Variants in CD101 observed in about 807,000 individuals in gnomAD.
The protein encoded by CD101 is CD101 molecule.
In CD101, 76 loss-of-function variants were observed where a neutral mutation model predicts 98.2. The observed-to-expected ratio is 0.77, with a 90% CI of 0.64 to 0.94. The LOEUF (loss-of-function observed/expected upper bound fraction) is 0.94. Among genes scored for constraint, CD101 ranks in the 40% least tolerant of loss-of-function variants. The pLI is 0.00. For synonymous variants in CD101, 471 were observed against 472.7 expected (o/e 1.00, Z 0.05); for missense variants, 1,145 against 1,218.8 (o/e 0.94, Z 0.90).
intron 9 of CD101, 121 bp downstream of exon 9, chr1:117,034,255 T>G: frequency 1.2e-6 from 1 of 851,290 alleles, no homozygotes; most frequent in Non-Finnish European, 1.8e-6. Context: ...GAGTGCTTAT[T>G]GGTTCTACGC....
At chr1:117,015,529 CTT>C (rs1653148406) in intron 4 of CD101, among the ~76,000 whole-genome samples, 1 of 152,164 alleles carries the variant, frequency 6.6e-6, no homozygotes, top group African/African-American at 2.4e-5. Flanking sequence ...CTCATTCTCT[CTT>C]TGTTACTTAT....
At position 117,033,852 on chromosome 1, in the gene CD101, C is replaced by A; in HGVS notation, c.2825-8C>A. On this transcript the variant is annotated splice_polypyrimidine_tract_variant and splice_region_variant and intron_variant, in intron 8 of 9. Coordinates refer to ENST00000682167, the MANE Select transcript of CD101 (RefSeq NM_001256106.3). The surrounding 1 kb of genome is among the most constrained non-coding windows in gnomAD (Gnocchi z 4.8). ...TGAATTACTCTCTTGTTTCTCCCTT[C>A]GTTGCAGAGCCCACGCTTCCTTCCA... 6.2e-7 allele frequency: 1 copy of A among 1,614,018 alleles called. No individual in the cohort carries two copies. The highest frequency in any genetic ancestry group is 8.5e-7 in the Non-Finnish European group (1 of 1,179,906).
rs114951373 is a variant in CD101 at position 117,018,035 on chromosome 1, G to T, written c.1613-121G>T. On this transcript the variant is annotated intron_variant, in intron 5 of 9. Coordinates refer to ENST00000682167, the MANE Select transcript of CD101 (RefSeq NM_001256106.3). This position sits in a 1 kb window ranked among gnomAD's most constrained non-coding sequence, Gnocchi z 4.3. ...GAATCAATTTCTACTCTATAAAATA[G>T]GAAACTCCAAATGTACAAATGCATG... 1,885 of 944,930 alleles carry T rather than the reference G, an allele frequency of 2.0e-3. 14 individuals are homozygous for T. In the African/African-American group the frequency reaches 0.028, roughly 14 times the overall value. 58.5% of individuals were successfully genotyped at this position (944,930 alleles called of 1,614,324 possible).
rs1653680184 is a variant in CD101, at chr1:117,023,080, A to G, written c.2428+1097A>G. Among the ~76,000 whole-genome samples the G allele has an allele frequency of 6.6e-6, 1 of 152,226 alleles. No homozygotes were observed. Among genetic ancestry groups the G allele is most frequent in the Admixed American group, 6.5e-5 (1 of 15,284 alleles). Reference sequence around the variant, plus strand: ...CTTAGCCCTGATCTCCTGAGCTCCAAGCCTTCATACCCAACTGCCTGCTGT... The same window carrying G: ...CTTAGCCCTGATCTCCTGAGCTCCAGGCCTTCATACCCAACTGCCTGCTGT... On this transcript the variant is annotated intron_variant, in intron 7 of 9. Coordinates refer to ENST00000682167, the MANE Select transcript of CD101 (RefSeq NM_001256106.3). The surrounding 1 kb of genome is among the most constrained non-coding windows in gnomAD (Gnocchi z 4.4).
intron 8 of CD101, among the ~76,000 whole-genome samples, chr1:117,030,379 A>AAAACAAACAAACAAACAAAC (rs3835638): frequency 1.4e-4 from 21 of 150,238 alleles, no homozygotes; most frequent in African/African-American, 4.4e-4. Flanking sequence ...AGACACTGTC[A>AAAACAAACAAACAAACAAAC]AAACAAACAA....
Position 117,012,018 on chromosome 1 carries a change from A to AT in CD101, c.841+55dup. ...AATACACTAGTATTAGGTAGTGGGT[A>AT]TTTATGAGGTATGTTTTAATTTTTG... On this transcript the variant is annotated intron_variant, in intron 3 of 9. Coordinates refer to ENST00000682167, the MANE Select transcript of CD101 (RefSeq NM_001256106.3). This position sits in a 1 kb window ranked among gnomAD's most constrained non-coding sequence, Gnocchi z 4.0. The AT allele has an allele frequency of 1.4e-6, 2 of 1,437,512 alleles. No homozygotes were observed. The highest frequency in any genetic ancestry group is 1.9e-6 in the Non-Finnish European group (2 of 1,055,074). The allele number at this position is 1,437,512 out of a possible 1,614,324, so 89.0% of individuals were successfully genotyped here. A position where few individuals can be genotyped will look rare whatever the true frequency, so the allele number is the denominator to read the frequency against.
intron 8 of CD101, among the ~76,000 whole-genome samples, chr1:117,028,102 T>TAAATA (rs1553188134): frequency 3.4e-4 from 50 of 145,528 alleles, no homozygotes; most frequent in African/African-American, 1.0e-3. Context: ...AATAAATAAA[T>TAAATA]AAATAAAATA....
intron 1 of CD101, 84 bp downstream of exon 1, chr1:117,001,944 T>C: frequency 7.6e-7 from 1 of 1,310,290 alleles, no homozygotes; most frequent in Non-Finnish European, 1.1e-6. Flanking sequence ...GACAATTTGG[T>C]CTCTACAGGA....
intron 1 of CD101, 82 bp downstream of exon 1, chr1:117,001,942 G>T: frequency 7.7e-7 from 1 of 1,300,944 alleles, no homozygotes; most frequent in East Asian, 2.3e-5. Flanking sequence ...AGGACAATTT[G>T]GTCTCTACAG....
intron 4 of CD101, among the ~76,000 whole-genome samples, chr1:117,014,614 T>G (rs1557769225): frequency 6.6e-6 from 1 of 152,162 alleles, no homozygotes; most frequent in Non-Finnish European, 1.5e-5. Flanking sequence ...TATCTGCAAC[T>G]AATATAAGGA....
intron 6 of CD101, among the ~76,000 whole-genome samples, chr1:117,020,008 C>T (rs923739861): frequency 6.6e-6 from 1 of 152,104 alleles, no homozygotes; most frequent in African/African-American, 2.4e-5. Context: ...TTACTGGCAG[C>T]TCCTCAATTG....
chr1:117,009,819 T>C, intron 1 of CD101, 31 bp from the exon 2 acceptor site: 1 of 1,561,886 alleles, frequency 6.4e-7, no homozygotes, highest in Non-Finnish European at 8.7e-7. Flanking sequence ...CTAATCTCTT[T>C]TTATTCCCCT....
rs1404853687 is a variant in CD101, at chr1:117,021,746, G to A, written c.2191G>A (p.Asp731Asn). 1 of 1,613,916 alleles carries A rather than the reference G, an allele frequency of 6.2e-7. No individual in the cohort carries two copies. Among genetic ancestry groups the A allele is most frequent in the African/African-American group, 1.3e-5 (1 of 74,898 alleles). ...NASWLKILEM[D>N]QTNVIKTGDE... The stretch of plus-strand genomic sequence containing the variant: ...CTCTTGGCTAAAGATCCTGGAGATG[G>A]ACCAAACCAATGTTATAAAAACTGG... The change falls in exon 7 of 10, where the codon GAC becomes AAC. Residue 731 changes from aspartate (D) to asparagine (N), a missense_variant. Transcript: ENST00000682167. This position sits in a 1 kb window ranked among gnomAD's most constrained non-coding sequence, Gnocchi z 4.7.
Position 117,012,362 on chromosome 1 carries a change from C to T in CD101, c.841+396C>T, listed in dbSNP as rs193255557. On this transcript the variant is annotated intron_variant, in intron 3 of 9. Coordinates refer to ENST00000682167, the MANE Select transcript of CD101 (RefSeq NM_001256106.3). The surrounding 1 kb of genome is among the most constrained non-coding windows in gnomAD (Gnocchi z 4.0). ...CTCTGAACTTCAGACATGCTAGATG[C>T]GCTGCCTAAGCCCACCCAGCTGGTG... Among the ~76,000 whole-genome samples the T allele has an allele frequency of 2.6e-5, 4 of 152,272 alleles. No homozygotes were observed. The highest frequency in any genetic ancestry group is 2.1e-4 in the South Asian group (1 of 4,828).
intron 8 of CD101, among the ~76,000 whole-genome samples, chr1:117,028,228 A>G (rs1654095178): frequency 1.3e-5 from 2 of 152,248 alleles, no homozygotes; most frequent in Non-Finnish European, 2.9e-5. Context: ...ACCCATGACG[A>G]CTAAGAAAAG....
At chr1:117,026,930 G>A (rs1452451783) in intron 8 of CD101, 1 of 152,100 alleles carries the variant, frequency 6.6e-6, no homozygotes, top group Non-Finnish European at 1.5e-5. Flanking sequence ...CCTCCACCTG[G>A]CTGTTCCTTC....
Position 117,021,831 on chromosome 1 carries a change from A to T in CD101, c.2276A>T (p.Asp759Val), listed in dbSNP as rs199628070. The T allele has an allele frequency of 6.5e-5, 105 of 1,614,044 alleles. No individual in the cohort carries two copies. The Middle Eastern group carries it at 8.2e-4, about 13-fold the overall frequency. Reference sequence around the variant, plus strand: ...TTTCATACTGAGAAGGTTTCCCAAGACTTATTTCAGCTGCACATTCTGAAT... The same window carrying T: ...TTTCATACTGAGAAGGTTTCCCAAGTCTTATTTCAGCTGCACATTCTGAAT... ...QKFHTEKVSQDLFQLHILNVE... is the reference protein window; with the variant it reads ...QKFHTEKVSQVLFQLHILNVE... The change falls in exon 7 of 10, where the codon GAC becomes GTC. Residue 759 changes from aspartate (D) to valine (V), a missense_variant. Transcript: ENST00000682167. The surrounding 1 kb of genome is among the most constrained non-coding windows in gnomAD (Gnocchi z 4.7).
At chr1:117,016,187 TA>T in intron 4 of CD101, among the ~76,000 whole-genome samples, 1 of 138,492 alleles carries the variant, frequency 7.2e-6, no homozygotes, top group African/African-American at 2.7e-5. Context: ...GACACACATT[TA>T]TATATATATA....
intron 1 of CD101, among the ~76,000 whole-genome samples, chr1:117,008,724 T>G (rs949860897): frequency 1.3e-5 from 2 of 152,004 alleles, no homozygotes; most frequent in Non-Finnish European, 1.5e-5. Context: ...TTCCCTCACT[T>G]TTTTTTTCCA....
Sources: allele counts gnomAD v4.1 joint callset (sites outside exome capture counted in the v4.1 genomes callset), GRCh38; gene constraint gnomAD v4.1.1; non-coding constraint Gnocchi (gnomAD v3.1); transcripts MANE v1.5; gene names NCBI Gene and HGNC (gene_info 2026-07-23, HGNC 2026-07-21).